Variants in SOX6 observed in about 807,000 individuals in gnomAD.
SOX6 encodes the protein transcription factor SOX-6.
SOX6 carries 11 observed loss-of-function variants against 97.8 expected under a neutral mutation model. The observed-to-expected ratio is 0.11, with a 90% CI of 0.07 to 0.19. The LOEUF is 0.19. Among genes scored for constraint, SOX6 ranks in the 10% least tolerant of loss-of-function variants. The pLI, the probability that SOX6 is intolerant of heterozygous loss-of-function variation, is 1.00. For synonymous variants in SOX6, 360 were observed against 371.4 expected (o/e 0.97, Z 0.35); for missense variants, 810 against 1,039.5 (o/e 0.78, Z 3.04).
intron 3 of SOX6, among the ~76,000 whole-genome samples, chr11:16,616,535 A>G (rs1052500164): frequency 3.3e-5 from 5 of 151,914 alleles, no homozygotes; most frequent in African/African-American, 9.7e-5. Flanking sequence ...TGTTTTCCAC[A>G]ATTTTATTCA....
At chr11:16,036,175 G>T (rs1855514653) in intron 12 of SOX6, among the ~76,000 whole-genome samples, 1 of 151,528 alleles carries the variant, frequency 6.6e-6, no homozygotes, top group Admixed American at 6.6e-5. Context: ...TGCCTCCTAG[G>T]TTCAAGCAAT....
intron 10 of SOX6, among the ~76,000 whole-genome samples, chr11:16,053,018 T>C (rs967697742): frequency 6.6e-6 from 1 of 152,208 alleles, no homozygotes; most frequent in African/African-American, 2.4e-5. Flanking sequence ...GGCAGCCTTT[T>C]GCAGATCTTC....
At chr11:16,733,514 C>A (rs1036948256) in intron 2 of SOX6, among the ~76,000 whole-genome samples, 2 of 136,960 alleles carry the variant, frequency 1.5e-5, no homozygotes, top group Non-Finnish European at 3.0e-5. Flanking sequence ...CACTCATAAG[C>A]GGCAGTTGAA....
chr11:16,474,724 T>C (rs1423377720), intron 1 of SOX6, among the ~76,000 whole-genome samples: 1 of 152,198 alleles, frequency 6.6e-6, no homozygotes, highest in East Asian at 1.9e-4. Flanking sequence ...CCTAAGATTT[T>C]CAGAATAGTA....
In SOX6 at chr11:16,280,902, G is replaced by A. The variant is rs573957346; in HGVS notation, c.445+37544C>T. Among the ~76,000 whole-genome samples, 28 of 152,052 alleles carry A rather than the reference G, an allele frequency of 1.8e-4. No individual in the cohort carries two copies. The South Asian group carries it at 5.4e-3, about 29-fold the overall frequency. On this transcript the variant is annotated intron_variant, in intron 3 of 15. Transcript: ENST00000683767. ...ATTCCTTTGCCTTAATTATCGTTTT[G>A]TCATATAAATACTACATATTGATAG...
intron 1 of SOX6, among the ~76,000 whole-genome samples, chr11:16,397,850 A>T (rs763881169): frequency 3.0e-4 from 46 of 151,636 alleles, no homozygotes; most frequent in Non-Finnish European, 8.9e-5. Context: ...GGCTTACAGC[A>T]CACCAGTCCA....
At chr11:16,050,001 G>T in intron 10 of SOX6, 63 bp from the exon 11 acceptor site, 1 of 1,543,280 alleles carries the variant, frequency 6.5e-7, no homozygotes, top group Non-Finnish European at 9.0e-7. Flanking sequence ...TTATCACTTA[G>T]TAAGCCACAG....
At chr11:16,329,714 T>C in intron 2 of SOX6, among the ~76,000 whole-genome samples, 1 of 152,210 alleles carries the variant, frequency 6.6e-6, no homozygotes, top group Non-Finnish European at 1.5e-5. Context: ...AACAGTGGCA[T>C]TACATAGTAA....
intron 6 of SOX6, among the ~76,000 whole-genome samples, chr11:16,175,300 ATTATGC>A (rs1196141777): frequency 6.6e-6 from 1 of 151,928 alleles, no homozygotes; most frequent in African/African-American, 2.4e-5. Flanking sequence ...AGTGGTATGT[ATTATGC>A]TTAAGCAATT....
intron 13 of SOX6, among the ~76,000 whole-genome samples, chr11:16,007,833 T>C (rs1854603596): frequency 6.6e-6 from 1 of 152,138 alleles, no homozygotes. Flanking sequence ...CAGACATACA[T>C]ACTGCTGAGG....
At chr11:16,590,890 T>G (rs1419573441) in intron 4 of SOX6, among the ~76,000 whole-genome samples, 11 of 151,986 alleles carry the variant, frequency 7.2e-5, no homozygotes, top group African/African-American at 2.7e-4. Flanking sequence ...CACAACACAG[T>G]GACTACAGTC....
intron 3 of SOX6, among the ~76,000 whole-genome samples, chr11:16,644,150 C>A (rs907898068): frequency 1.3e-5 from 2 of 152,178 alleles, no homozygotes; most frequent in African/African-American, 4.8e-5. Context: ...AAGCAATCCT[C>A]CCACCTCGGC....
chr11:16,552,036 G>A lies in SOX6; in HGVS notation n.609+60045C>T, dbSNP rs564466304. ...GTACATTTTTCTTACACATCTATAA[G>A]ATACATCTTCTATTTTCCCAATTTT... On this transcript the variant is annotated intron_variant and non_coding_transcript_variant, in intron 4 of 5. Transcript: ENST00000524520. Among the ~76,000 whole-genome samples the A allele has an allele frequency of 4.6e-5, 7 of 152,066 alleles. No homozygotes were observed. The East Asian group carries it at 5.8e-4, about 13-fold the overall frequency.
intron 6 of SOX6, among the ~76,000 whole-genome samples, chr11:16,167,780 C>T (rs12360975): frequency 0.055 from 8,323 of 152,228 alleles, 486 homozygotes; most frequent in Admixed American, 0.18. Context: ...TACGTACCCA[C>T]ACACCCTATT....
intron 7 of SOX6, among the ~76,000 whole-genome samples, chr11:16,100,484 T>C (rs372910182): frequency 4.6e-5 from 7 of 151,668 alleles, no homozygotes; most frequent in South Asian, 4.1e-4. Flanking sequence ...AAAGACAAAG[T>C]AGGATTTAAA....
rs900600514 is a variant in SOX6 at position 16,607,645 on chromosome 11, G to A, written n.609+4436C>T. ...GTGCGCGCGGAGCGGGGTGACTAGG[G>A]GCTTCACCCTGGAACAAGTGAAGGC... On this transcript the variant is annotated intron_variant and non_coding_transcript_variant, in intron 4 of 5. Transcript: ENST00000524520. This position sits in a 1 kb window ranked among gnomAD's most constrained non-coding sequence, Gnocchi z 6.5. 2.6e-5 allele frequency: 4 copies of A among 152,360 alleles called. No individual in the cohort carries two copies. The highest frequency in any genetic ancestry group is 9.6e-5 in the African/African-American group (4 of 41,470). The allele number at this position is 152,360 out of a possible 1,614,324, so 9.4% of individuals were successfully genotyped here. A position where few individuals can be genotyped will look rare whatever the true frequency, so the allele number is the denominator to read the frequency against.
chr11:16,443,985 C>G (rs970591144), intron 1 of SOX6, among the ~76,000 whole-genome samples: 2 of 145,984 alleles, frequency 1.4e-5, no homozygotes, highest in Non-Finnish European at 3.0e-5. Flanking sequence ...TGCACTCCAG[C>G]CTGGCAACAG....
At chr11:16,132,303 GA>G (rs1849770986) in intron 6 of SOX6, among the ~76,000 whole-genome samples, 7 of 116,592 alleles carry the variant, frequency 6.0e-5, no homozygotes, top group Non-Finnish European at 1.0e-4. Context: ...AGGAAGGAAG[GA>G]AGGAAGGAAG....
intron 3 of SOX6, among the ~76,000 whole-genome samples, chr11:16,672,122 C>A (rs547279325): frequency 6.6e-6 from 1 of 152,064 alleles, no homozygotes; most frequent in Admixed American, 6.6e-5. Flanking sequence ...ACCATCAGAC[C>A]GGCCTTACAA....
Sources: allele counts gnomAD v4.1 joint callset (sites outside exome capture counted in the v4.1 genomes callset), GRCh38; gene constraint gnomAD v4.1.1; non-coding constraint Gnocchi (gnomAD v3.1); transcripts MANE v1.5; gene names NCBI Gene and HGNC (gene_info 2026-07-23, HGNC 2026-07-21).